The following KCTD1 variants were observed in gnomAD, a reference collection of about 807,000 sequenced individuals.
The protein encoded by KCTD1 is BTB/POZ domain-containing protein KCTD1.
A neutral mutation model predicts 66.0 loss-of-function variants in KCTD1; 24 were observed. The observed-to-expected ratio is 0.36, with a 90% CI of 0.26 to 0.51. The LOEUF is 0.51. Among genes scored for constraint, KCTD1 ranks in the 20% least tolerant of loss-of-function variants. The pLI is 0.95. For missense variants in KCTD1, 943 were observed against 1,205.2 expected, an observed-to-expected ratio of 0.78 and a Z score of 3.22; for synonymous variants, 511 against 517.2, an observed-to-expected ratio of 0.99 and a Z score of 0.16.
intron 1 of KCTD1, among the ~76,000 whole-genome samples, chr18:26,509,023 G>A (rs1336121058): frequency 6.6e-6 from 1 of 152,108 alleles, no homozygotes; most frequent in African/African-American, 2.4e-5. Flanking sequence ...GGCCTCACTG[G>A]TTTCTTCATT....
chr18:26,466,638 C>G (rs1192925059), intron 3 of KCTD1, among the ~76,000 whole-genome samples: 1 of 152,182 alleles, frequency 6.6e-6, no homozygotes, highest in African/African-American at 2.4e-5. Flanking sequence ...TTGAGCTTGA[C>G]AGAGATCGTT....
intron 4 of KCTD1, chr18:26,458,074 C>G (rs1172943366): frequency 6.6e-6 from 1 of 152,396 alleles, no homozygotes; most frequent in East Asian, 1.9e-4. Flanking sequence ...ACTGCTGAGG[C>G]CGTCTCAGGA....
At chr18:26,580,745 G>A (rs994353926) in intron 1 of KCTD1, among the ~76,000 whole-genome samples, 1 of 152,176 alleles carries the variant, frequency 6.6e-6, no homozygotes, top group Non-Finnish European at 1.5e-5. Flanking sequence ...CATGGGCTAA[G>A]GATGTATTAT....
At chr18:26,535,400 C>A (rs1044951862) in intron 1 of KCTD1, among the ~76,000 whole-genome samples, 2 of 152,092 alleles carry the variant, frequency 1.3e-5, no homozygotes, top group South Asian at 4.1e-4. Flanking sequence ...GAGCGTCAGA[C>A]CCCCAGCAAG....
intron 1 of KCTD1, among the ~76,000 whole-genome samples, chr18:26,639,780 C>G (rs1478663632): frequency 6.6e-6 from 1 of 152,088 alleles, no homozygotes; most frequent in Non-Finnish European, 1.5e-5. Flanking sequence ...ATGTTCAAAC[C>G]CTGGGTCGCA....
intron 2 of KCTD1, among the ~76,000 whole-genome samples, chr18:26,500,620 G>GC (rs1982711186): frequency 6.6e-6 from 1 of 151,752 alleles, no homozygotes; most frequent in African/African-American, 2.4e-5. Flanking sequence ...TTGGACTTTT[G>GC]CATACAGATC....
chr18:26,515,717 C>G (rs747740607), intron 1 of KCTD1, among the ~76,000 whole-genome samples: 1 of 152,048 alleles, frequency 6.6e-6, no homozygotes, highest in Non-Finnish European at 1.5e-5. Context: ...ACTGTGTTAG[C>G]CAGGCTGGTC....
intron 1 of KCTD1, chr18:26,581,578 C>T (rs1354924292): frequency 6.6e-6 from 1 of 152,214 alleles, no homozygotes. Flanking sequence ...GTTATATCCC[C>T]AGTACCTAGA....
intron 1 of KCTD1, among the ~76,000 whole-genome samples, chr18:26,609,197 T>C (rs761174016): frequency 7.2e-5 from 11 of 152,238 alleles, no homozygotes; most frequent in Admixed American, 6.5e-4. Flanking sequence ...AGTCCTGCCA[T>C]GTCAGCCACT....
At chr18:26,622,108 T>C (rs1396827910) in intron 1 of KCTD1, among the ~76,000 whole-genome samples, 2 of 152,166 alleles carry the variant, frequency 1.3e-5, no homozygotes, top group Non-Finnish European at 2.9e-5. Flanking sequence ...GAGGGACTTA[T>C]TAAGGGCATT....
upstream of KCTD1, among the ~76,000 whole-genome samples, chr18:26,643,851 A>G (rs1360814328): frequency 1.3e-5 from 2 of 152,172 alleles, no homozygotes; most frequent in South Asian, 2.1e-4. Flanking sequence ...AGTCCCAGCT[A>G]CTCGGGAGGC....
intron 2 of KCTD1, among the ~76,000 whole-genome samples, chr18:26,478,967 A>T (rs191250573): frequency 6.6e-5 from 10 of 152,250 alleles, no homozygotes; most frequent in Admixed American, 5.9e-4. Context: ...AAAAGGAACA[A>T]TCCTGGAGGT....
At chr18:26,648,859 TG>T (rs1327390490) in intron 1 of KCTD1, among the ~76,000 whole-genome samples, 2 of 152,188 alleles carry the variant, frequency 1.3e-5, no homozygotes, top group Admixed American at 6.5e-5. Context: ...ATCTAAAACA[TG>T]GGGATGCCAG....
chr18:26,635,929 G>A (rs953661440), intron 1 of KCTD1, among the ~76,000 whole-genome samples: 5 of 152,084 alleles, frequency 3.3e-5, no homozygotes, highest in Admixed American at 1.3e-4. Flanking sequence ...TTCTAGTCAC[G>A]CCAGGGTAGA....
upstream of KCTD1, chr18:26,549,279 C>T (rs1026329580): frequency 2.0e-6 from 2 of 985,284 alleles, no homozygotes; most frequent in Admixed American, 6.2e-5. Context: ...TGGGGCCAGC[C>T]GCGCGGCTCC....
upstream of KCTD1, among the ~76,000 whole-genome samples, chr18:26,551,099 C>CT (rs1231556573): frequency 1.3e-5 from 2 of 152,204 alleles, no homozygotes; most frequent in African/African-American, 4.8e-5. Flanking sequence ...CTCCCACCAG[C>CT]TCCCCTCCCT....
intron 1 of KCTD1, among the ~76,000 whole-genome samples, chr18:26,505,725 T>A (rs1379666709): frequency 6.6e-6 from 1 of 152,148 alleles, no homozygotes; most frequent in Non-Finnish European, 1.5e-5. Context: ...CCTGGCCAAC[T>A]AATAACATTT....
chr18:26,518,297 G>A (rs1330827774), intron 1 of KCTD1, among the ~76,000 whole-genome samples: 1 of 152,046 alleles, frequency 6.6e-6, no homozygotes, highest in East Asian at 1.9e-4. Context: ...AAAATGCAAA[G>A]CTATAATTTT....
At chr18:26,655,453 G>GAC (rs1988112447) in intron 1 of KCTD1, among the ~76,000 whole-genome samples, 1 of 130,702 alleles carries the variant, frequency 7.7e-6, no homozygotes, top group South Asian at 2.4e-4. Flanking sequence ...CACACACACA[G>GAC]ACACACACAC....
Sources: gnomAD v4.1 joint callset for allele counts (sites outside exome capture counted in the v4.1 genomes callset) on GRCh38, gnomAD v4.1.1 for gene constraint, MANE v1.5 for transcripts, NCBI Gene and HGNC (gene_info 2026-07-23, HGNC 2026-07-21) for gene names.